The following SYNE1 variants were observed in gnomAD, a reference collection of about 807,000 sequenced individuals.
SYNE1 encodes nesprin-1.
Under a neutral mutation model 1,111.0 loss-of-function variants are expected in SYNE1, and 616 were observed. The ratio of observed to expected loss-of-function variants is 0.55; its 90% CI spans 0.52 to 0.59. SYNE1 has a LOEUF of 0.59. Among genes scored for constraint, SYNE1 ranks in the 20% least tolerant of loss-of-function variants. The pLI is 0.00. For synonymous variants in SYNE1, 3,855 were observed against 3,825.8 expected, an observed-to-expected ratio of 1.01 and a Z score of -0.28; for missense variants, 10,006 against 10,417.0, an observed-to-expected ratio of 0.96 and a Z score of 1.72.
At chr6:152,615,574 T>C (rs2099643743) in intron 3 of SYNE1, among the ~76,000 whole-genome samples, 1 of 152,218 alleles carries the variant, frequency 6.6e-6, no homozygotes, top group African/African-American at 2.4e-5. Flanking sequence ...AGTTGAGACA[T>C]ATTTCATAAG....
At chr6:152,252,859 C>T (rs191285916) in intron 104 of SYNE1, among the ~76,000 whole-genome samples, 73 of 152,240 alleles carry the variant, frequency 4.8e-4, no homozygotes, top group South Asian at 1.7e-3. Context: ...CTCTTAGATC[C>T]TTAAAACAAA....
At chr6:152,321,148 G>T in intron 84 of SYNE1, 90 bp downstream of exon 84, 1 of 1,446,502 alleles carries the variant, frequency 6.9e-7, no homozygotes, top group Non-Finnish European at 9.5e-7. Context: ...TCTCCAAGAA[G>T]ACATTATTGT....
chr6:152,272,847 T>C (rs1213515365), intron 98 of SYNE1, among the ~76,000 whole-genome samples: 2 of 152,250 alleles, frequency 1.3e-5, no homozygotes, highest in African/African-American at 4.8e-5. Flanking sequence ...TAATGGATGA[T>C]TTGTTTTCTG....
intron 4 of SYNE1, among the ~76,000 whole-genome samples, chr6:152,535,020 A>G (rs1554867127): frequency 3.3e-5 from 5 of 152,214 alleles, no homozygotes; most frequent in Admixed American, 1.3e-4. Flanking sequence ...TGAAATCTTA[A>G]CCCCCCAAAA....
At chr6:152,343,783 G>C (rs1310260941) in intron 74 of SYNE1, among the ~76,000 whole-genome samples, 3 of 151,896 alleles carry the variant, frequency 2.0e-5, no homozygotes, top group Admixed American at 2.0e-4. Flanking sequence ...GGCCAGGCTG[G>C]TCTCGAGCTC....
At chr6:152,635,635 C>T (rs1235705263) in intron 2 of SYNE1, among the ~76,000 whole-genome samples, 2 of 152,148 alleles carry the variant, frequency 1.3e-5, no homozygotes, top group Non-Finnish European at 2.9e-5. Context: ...ATAGGTCTGG[C>T]TTCTGTATAC....
chr6:152,364,207 G>A (rs889212453), intron 63 of SYNE1, among the ~76,000 whole-genome samples: 5 of 152,104 alleles, frequency 3.3e-5, no homozygotes, highest in African/African-American at 9.7e-5. Flanking sequence ...CTTCCGCCAC[G>A]ATTGTAAGTT....
chr6:152,364,184 G>A (rs1280136022), intron 63 of SYNE1, among the ~76,000 whole-genome samples: 1 of 152,160 alleles, frequency 6.6e-6, no homozygotes, highest in Non-Finnish European at 1.5e-5. Flanking sequence ...GAAGAAGGAT[G>A]TGTTTGCTTC....
intron 126 of SYNE1, among the ~76,000 whole-genome samples, chr6:152,202,480 C>T (rs1298717912): frequency 1.3e-5 from 2 of 149,194 alleles, no homozygotes; most frequent in Non-Finnish European, 3.0e-5. Flanking sequence ...GAGTTCAAAA[C>T]TGACTCTGTT....
In SYNE1 at chr6:152,344,134, C is replaced by G. The variant is rs867555155; in HGVS notation, c.12172G>C (p.Asp4058His). The change falls in exon 74 of 146, where the codon GAT becomes CAT. Residue 4058 changes from aspartate (D) to histidine (H), a missense_variant. Transcript: ENST00000367255. ...CQAWLSAVQPDLEPSPQPPLS... is the reference protein window; with the variant it reads ...CQAWLSAVQPHLEPSPQPPLS... The stretch of plus-strand genomic sequence containing the variant: ...GGTGGTTGAGGACTTGGCTCTAAAT[C>G]CGGCTGGACTGCAGAAAGCCAGGCC... 6.2e-7 allele frequency: 1 copy of G among 1,614,228 alleles called. No individual in the cohort carries two copies. The highest frequency in any genetic ancestry group is 2.2e-5 in the East Asian group (1 of 44,880).
chr6:152,309,805 G>C, intron 90 of SYNE1, 30 bp downstream of exon 90: 1 of 1,612,078 alleles, frequency 6.2e-7, no homozygotes, highest in Non-Finnish European at 8.5e-7. Context: ...ATCAGCAATT[G>C]CTCTACTGGT....
At chr6:152,202,817 T>C (rs890329960) in intron 126 of SYNE1, among the ~76,000 whole-genome samples, 7 of 152,090 alleles carry the variant, frequency 4.6e-5, no homozygotes, top group Admixed American at 6.6e-5. Context: ...GAAAGAGAAA[T>C]ATGCACTACA....
chr6:152,180,032 C>T (rs912053143), intron 129 of SYNE1, 104 bp downstream of exon 129: 1 of 1,272,442 alleles, frequency 7.9e-7, no homozygotes, highest in Non-Finnish European at 1.1e-6. Flanking sequence ...TATACTGCTC[C>T]TTTGACAGGA....
intron 91 of SYNE1, among the ~76,000 whole-genome samples, chr6:152,305,768 GT>G (rs2095355061): frequency 6.6e-6 from 1 of 152,142 alleles, no homozygotes; most frequent in African/African-American, 2.4e-5. Context: ...TCCTGTGTTT[GT>G]TTTATACATA....
chr6:152,258,418 T>C (rs942755684), intron 101 of SYNE1, among the ~76,000 whole-genome samples: 2 of 152,242 alleles, frequency 1.3e-5, no homozygotes, highest in African/African-American at 4.8e-5. Flanking sequence ...ATTATGCGAA[T>C]TATTATAATG....
At chr6:152,365,157 G>C (rs2097047061) in intron 62 of SYNE1, 138 bp from the exon 63 acceptor site, 3 of 1,078,192 alleles carry the variant, frequency 2.8e-6, no homozygotes, top group East Asian at 5.1e-5. Flanking sequence ...CTGAGACAGA[G>C]GGTGGGGAAG....
chr6:152,499,358 G>A (rs916984880), intron 10 of SYNE1, among the ~76,000 whole-genome samples: 5 of 151,718 alleles, frequency 3.3e-5, no homozygotes, highest in African/African-American at 1.2e-4. Context: ...CAGTTTTATT[G>A]GATGAGATTA....
In SYNE1 at chr6:152,323,695, A is replaced by G; in HGVS notation, c.15700T>C (p.Leu5234=). 6.2e-7 allele frequency: 1 copy of G among 1,614,218 alleles called. No individual in the cohort carries two copies. Among genetic ancestry groups the G allele is most frequent in the Non-Finnish European group, 8.5e-7 (1 of 1,180,036 alleles). ...GCTTTCTCTGCTGAACTTCCAGGTAACTTATCTTGCAGCTGATCAATCATT... is the reference window on the plus strand; with the variant it reads ...GCTTTCTCTGCTGAACTTCCAGGTAGCTTATCTTGCAGCTGATCAATCATT... ...TEMIDQLQDK[L]PGSSAEKASK... Residue 5234 remains leucine (L), a synonymous_variant, in exon 82 of 146, where the codon TTA becomes CTA. Coordinates refer to ENST00000367255, the MANE Select transcript of SYNE1 (RefSeq NM_182961.4).
intron 98 of SYNE1, among the ~76,000 whole-genome samples, chr6:152,274,267 A>G (rs907890462): frequency 6.6e-6 from 1 of 152,126 alleles, no homozygotes. Flanking sequence ...GAAAAGTTAT[A>G]TTTTTTATTT....
Sources: gnomAD v4.1 joint callset for allele counts (sites outside exome capture counted in the v4.1 genomes callset) on GRCh38, gnomAD v4.1.1 for gene constraint, MANE v1.5 for transcripts, NCBI Gene and HGNC (gene_info 2026-07-23, HGNC 2026-07-21) for gene names.